ATP1A4: variants seen among roughly 807,000 people sequenced by gnomAD.
ATP1A4 encodes the protein sodium/potassium-transporting ATPase subunit alpha-4.
ATP1A4 carries 90 observed loss-of-function variants against 114.3 expected under a neutral mutation model. That is an observed-to-expected ratio of 0.79 (90% CI 0.66 to 0.94). The LOEUF (loss-of-function observed/expected upper bound fraction) is 0.94. Among genes scored for constraint, ATP1A4 ranks in the 40% least tolerant of loss-of-function variants. The pLI, the probability that ATP1A4 is intolerant of heterozygous loss-of-function variation, is 0.00. For synonymous variants in ATP1A4, 511 were observed against 494.1 expected, an observed-to-expected ratio of 1.03 and a Z score of -0.45; for missense variants, 1,222 against 1,313.6, an observed-to-expected ratio of 0.93 and a Z score of 1.08.
At position 160,151,954 on chromosome 1, in the gene ATP1A4, C is replaced by T. The variant is rs987174117; in HGVS notation, c.-87C>T. Reference sequence around the variant, plus strand: ...CCACTCTCTTCTCGTGGCCCCCTTGCCCGCGCGCCCTCTTCCCTTCCCCTT... The same window carrying T: ...CCACTCTCTTCTCGTGGCCCCCTTGTCCGCGCGCCCTCTTCCCTTCCCCTT... On this transcript the variant is annotated 5_prime_UTR_variant, in exon 1 of 22. Transcript: ENST00000368081. The T allele has an allele frequency of 8.1e-6, 12 of 1,483,286 alleles. No individual in the cohort carries two copies. In the African/African-American group the frequency reaches 1.7e-4, roughly 21 times the overall value. The allele number at this position is 1,483,286 out of a possible 1,614,324, so 91.9% of individuals were successfully genotyped here.
rs1372914116 is a variant in ATP1A4 at position 160,186,354 on chromosome 1, TCA to T, written c.3049_3050del (p.Gln1017AlafsTer47). ...ATGAAATCAGAAAACTCCTCATCCGTCAGCACCCGGATGGTGAGGCTCCCCTG... is the reference window on the plus strand; with the variant it reads ...ATGAAATCAGAAAACTCCTCATCCGTGCACCCGGATGGTGAGGCTCCCCTG... ...YDEIRKLLIR[Q>X]HPDGWVERET... is the part of the protein sequence containing the mutation. On this transcript the variant is annotated frameshift_variant, in exon 21 of 22. Coordinates refer to ENST00000368081, the MANE Select transcript of ATP1A4 (RefSeq NM_144699.4). LOFTEE classifies it high-confidence loss of function. 1.2e-6 allele frequency: 2 copies of T among 1,612,778 alleles called. No homozygotes were observed. The highest frequency in any genetic ancestry group is 2.2e-5 in the South Asian group (2 of 91,048).
chr1:160,186,223 G>A, intron 20 of ATP1A4, 53 bp from the exon 21 acceptor site: 2 of 1,264,540 alleles, frequency 1.6e-6, no homozygotes, highest in South Asian at 2.4e-5. Context: ...CTCTGCACCT[G>A]TCCTCTGGCA....
chr1:160,183,066 A>G (rs973847495), intron 20 of ATP1A4: 4 of 152,224 alleles, frequency 2.6e-5, no homozygotes, highest in African/African-American at 9.7e-5. Flanking sequence ...GTAGGCACTC[A>G]ATTAATGTTT....
In ATP1A4 at chr1:160,171,831, G is replaced by A. The variant is rs566546108; in HGVS notation, c.1854+74G>A. On this transcript the variant is annotated intron_variant, in intron 12 of 21. Transcript: ENST00000368081. ...CATCTACTAGAAGGCCTTGCGCAGA[G>A]TAGATGCTTAATACCCTTAGTTTAA... The A allele has an allele frequency of 1.2e-5, 17 of 1,458,672 alleles. No individual in the cohort carries two copies. In the Admixed American group the frequency reaches 2.1e-4, roughly 18 times the overall value. The allele number at this position is 1,458,672 out of a possible 1,614,324, so 90.4% of individuals were successfully genotyped here.
Position 160,155,212 on chromosome 1 carries a change from C to A in ATP1A4, c.375C>A (p.Ile125=), listed in dbSNP as rs759979216. The part of the protein sequence containing the change: ...GAILCFVAYS[I]QIYFNEEPTK... ...TTCTCTGCTTTGTGGCCTACAGCAT[C>A]CAGATATATTTCAATGAGGAGCCTA... The change falls in exon 3 of 22, where the codon ATC becomes ATA. Residue 125 remains isoleucine (I), a synonymous_variant. Coordinates refer to ENST00000368081, the MANE Select transcript of ATP1A4 (RefSeq NM_144699.4). 6.2e-7 allele frequency: 1 copy of A among 1,613,612 alleles called. No individual in the cohort carries two copies. The highest frequency in any genetic ancestry group is 1.1e-5 in the South Asian group (1 of 91,054).
rs1385568237 is a variant in ATP1A4 at position 160,151,976 on chromosome 1, CCTT to C, written c.-64_-62del. ...TTGCCCGCGCGCCCTCTTCCCTTCC[CCTT>C]GCCTCACTCTCTCAGCTTTCTTCCC... On this transcript the variant is annotated 5_prime_UTR_variant, in exon 1 of 22. Transcript: ENST00000368081. 9.0e-6 allele frequency: 14 copies of C among 1,561,370 alleles called. No homozygotes were observed. Among genetic ancestry groups the C allele is most frequent in the Non-Finnish European group, 1.2e-5 (14 of 1,155,122 alleles).
In ATP1A4 at chr1:160,166,888, G is replaced by C. The variant is rs527559200; in HGVS notation, c.1247-80G>C. 4 of 1,514,712 alleles carry C rather than the reference G, an allele frequency of 2.6e-6. No homozygotes were observed. In the African/African-American group the frequency reaches 4.1e-5, roughly 16 times the overall value. 93.8% of individuals were successfully genotyped at this position (1,514,712 alleles called of 1,614,324 possible). ...GAAATGCTGCTCCTGTGAAGTATCT[G>C]GGTGCCAAAGAGGATGTGAATAACC... On this transcript the variant is annotated intron_variant, in intron 8 of 21. Coordinates refer to ENST00000368081, the MANE Select transcript of ATP1A4 (RefSeq NM_144699.4).
chr1:160,167,961 G>A (rs956655784), intron 10 of ATP1A4, among the ~76,000 whole-genome samples: 3 of 152,178 alleles, frequency 2.0e-5, no homozygotes, highest in Non-Finnish European at 4.4e-5. Context: ...TTCTTATAAG[G>A]ATGCAAATCA....
chr1:160,186,153 GCA>G, intron 20 of ATP1A4, 121 bp from the exon 21 acceptor site: 1 of 583,042 alleles, frequency 1.7e-6, no homozygotes, highest in Non-Finnish European at 3.2e-6. Flanking sequence ...CCAGCACCCA[GCA>G]CAGTCCCACG....
intron 20 of ATP1A4, among the ~76,000 whole-genome samples, chr1:160,182,334 T>C (rs1319053023): frequency 6.6e-6 from 1 of 152,232 alleles, no homozygotes; most frequent in Non-Finnish European, 1.5e-5. Context: ...CAAGGATACA[T>C]ATTGCTTGGA....
At chr1:160,180,586 T>C (rs899937782) in intron 18 of ATP1A4, among the ~76,000 whole-genome samples, 10 of 151,920 alleles carry the variant, frequency 6.6e-5, no homozygotes, top group Non-Finnish European at 1.5e-4. Context: ...GAATGTCTCC[T>C]ATCTGATACC....
chr1:160,151,866 C>A lies in ATP1A4; in HGVS notation c.-175C>A. On this transcript the variant is annotated 5_prime_UTR_variant, in exon 1 of 22. Transcript: ENST00000368081. The stretch of plus-strand genomic sequence containing the variant: ...CTCTCTCACTTCCCTTCCTCTCTCT[C>A]ACCTTCACCACCCAACACCTCCCTC... The A allele has an allele frequency of 1.5e-6, 1 of 654,422 alleles. No individual in the cohort carries two copies. 40.5% of individuals were successfully genotyped at this position (654,422 alleles called of 1,614,324 possible). A position where few individuals can be genotyped will look rare whatever the true frequency, so the allele number is the denominator to read the frequency against.
Position 160,176,193 on chromosome 1 carries a change from C to G in ATP1A4, c.2413C>G (p.Pro805Ala), listed in dbSNP as rs746281372. 6.2e-7 allele frequency: 1 copy of G among 1,613,936 alleles called. No homozygotes were observed. The highest frequency in any genetic ancestry group is 2.2e-5 in the East Asian group (1 of 44,872). The change falls in exon 16 of 22, where the codon CCC (proline) becomes GCC (alanine). Residue 805 changes from proline (P) to alanine (A), a missense_variant. Physicochemically the swap from Pro to Ala is conservative, Grantham distance 27. Transcript: ENST00000368081. ...PFLMFIILGIPLPLGTITILC... is the reference protein window; with the variant it reads ...PFLMFIILGIALPLGTITILC... ...CCTGATGTTCATCATCCTCGGTATACCCCTGCCTCTGGGAACCATAACCAT... is the reference window on the plus strand; with the variant it reads ...CCTGATGTTCATCATCCTCGGTATAGCCCTGCCTCTGGGAACCATAACCAT...
rs368275981 is a variant in ATP1A4 at position 160,164,161 on chromosome 1, G to T, written c.784G>T (p.Ala262Ser). Residue 262 changes from alanine to serine, a missense_variant, in exon 7 of 22, where the codon GCC becomes TCC. Physicochemically the swap from Ala to Ser is moderately conservative, Grantham distance 99. Coordinates refer to ENST00000368081, the MANE Select transcript of ATP1A4 (RefSeq NM_144699.4). ...FFSTNCVEGT[A>S]RGIVIATGDS... Reference sequence around the variant, plus strand: ...CTCTCCTGCTTCATCCACAGGAACCGCCCGGGGTATTGTGATTGCTACGGG... The same window carrying T: ...CTCTCCTGCTTCATCCACAGGAACCTCCCGGGGTATTGTGATTGCTACGGG... 13 of 1,613,786 alleles carry T rather than the reference G, an allele frequency of 8.1e-6. No homozygotes were observed. The highest frequency in any genetic ancestry group is 1.1e-5 in the Non-Finnish European group (13 of 1,179,860).
chr1:160,176,102 C>A lies in ATP1A4; in HGVS notation c.2322C>A (p.Ile774=). The A allele has an allele frequency of 6.2e-7, 1 of 1,614,142 alleles. No individual in the cohort carries two copies. The highest frequency in any genetic ancestry group is 1.3e-5 in the African/African-American group (1 of 75,016). ...GACCTTCCTCCCCAGGCCGCCTGATCTTTGACAACCTGAAGAAATCCATCA... is the reference window on the plus strand; with the variant it reads ...GACCTTCCTCCCCAGGCCGCCTGATATTTGACAACCTGAAGAAATCCATCA... The part of the protein sequence containing the change: ...IVTGVEEGRL[I]FDNLKKSIMY... The change falls in exon 16 of 22, where the codon ATC becomes ATA. Residue 774 remains isoleucine, a synonymous_variant. Transcript: ENST00000368081.
At chr1:160,167,842 TCACCCCACA>T (rs1421460662) in intron 10 of ATP1A4, among the ~76,000 whole-genome samples, 2 of 152,232 alleles carry the variant, frequency 1.3e-5, no homozygotes. Flanking sequence ...ATATTTCCTT[TCACCCCACA>T]CTTGGCTTGC....
Position 160,181,935 on chromosome 1 carries a change from AAGTCTTAATATTTGGGATCCTGG to A in ATP1A4, c.2876_2898del (p.Val959GlyfsTer42). On this transcript the variant is annotated frameshift_variant, in exon 20 of 22. Transcript: ENST00000368081. LOFTEE classifies it high-confidence loss of function. ...CCATGAATGTTTCTTCCCAGAAACAAAGTCTTAATATTTGGGATCCTGGAGGAGACACTCTTGGCTGCATTTCT... is the reference window on the plus strand; with the variant it reads ...CCATGAATGTTTCTTCCCAGAAACAAAGGAGACACTCTTGGCTGCATTTCT... 6.2e-7 allele frequency: 1 copy of A among 1,613,986 alleles called. No homozygotes were observed. The highest frequency in any genetic ancestry group is 1.1e-5 in the South Asian group (1 of 91,074).
intron 6 of ATP1A4, among the ~76,000 whole-genome samples, chr1:160,163,047 T>C (rs1169521406): frequency 1.3e-5 from 2 of 152,194 alleles, no homozygotes; most frequent in Non-Finnish European, 2.9e-5. Context: ...CAGAGGGCCT[T>C]GAGTCTCCAG....
At chr1:160,175,648 G>T (rs1390024605) in intron 15 of ATP1A4, among the ~76,000 whole-genome samples, 4 of 151,950 alleles carry the variant, frequency 2.6e-5, no homozygotes, top group Admixed American at 6.6e-5. Context: ...AGTCAGAGAC[G>T]GATGCAGCAA....
Sources: allele counts gnomAD v4.1 joint callset (sites outside exome capture counted in the v4.1 genomes callset), GRCh38; gene constraint gnomAD v4.1.1; transcripts MANE v1.5; gene names NCBI Gene and HGNC (gene_info 2026-07-23, HGNC 2026-07-21).